Variants in IMMP2L observed in about 807,000 individuals in gnomAD.
IMMP2L encodes inner mitochondrial membrane peptidase subunit 2.
In IMMP2L, 18 loss-of-function variants were observed where a neutral mutation model predicts 19.3. That is an observed-to-expected ratio of 0.93 (90% CI 0.64 to 1.38). IMMP2L has a LOEUF of 1.38. IMMP2L is among the 40% of genes most tolerant of loss of function. The pLI is 0.00. For missense variants in IMMP2L, 233 were observed against 218.2 expected, an observed-to-expected ratio of 1.07 and a Z score of -0.43; for synonymous variants, 76 against 73.0, an observed-to-expected ratio of 1.04 and a Z score of -0.21.
chr7:110,810,402 G>A (rs1483822733), intron 5 of IMMP2L, among the ~76,000 whole-genome samples: 1 of 152,018 alleles, frequency 6.6e-6, no homozygotes, highest in African/African-American at 2.4e-5. Context: ...GAGCTATTAT[G>A]TTACCCATTC....
At chr7:110,994,130 TCTC>T (rs1247807923) in intron 3 of IMMP2L, among the ~76,000 whole-genome samples, 1 of 141,892 alleles carries the variant, frequency 7.0e-6, no homozygotes, top group African/African-American at 2.9e-5. Flanking sequence ...CATTACTCTC[TCTC>T]TTTTTTTTTT....
chr7:111,043,353 C>CA (rs1792079293), intron 3 of IMMP2L, among the ~76,000 whole-genome samples: 1 of 152,206 alleles, frequency 6.6e-6, no homozygotes, highest in Non-Finnish European at 1.5e-5. Flanking sequence ...CCTGAAATTT[C>CA]ATGGTTACTT....
At chr7:111,413,586 G>C (rs995083144) in intron 3 of IMMP2L, among the ~76,000 whole-genome samples, 5 of 151,178 alleles carry the variant, frequency 3.3e-5, no homozygotes, top group African/African-American at 9.7e-5. Flanking sequence ...CATATTAACA[G>C]ATTAAAAAAC....
chr7:111,175,107 G>A (rs139751528), intron 3 of IMMP2L, among the ~76,000 whole-genome samples: 9 of 151,896 alleles, frequency 5.9e-5, no homozygotes, highest in East Asian at 1.9e-4. Context: ...CAGAGTCCTC[G>A]TTGCATTATG....
chr7:111,502,778 C>A (rs1844430567), intron 2 of IMMP2L, among the ~76,000 whole-genome samples: 1 of 150,944 alleles, frequency 6.6e-6, no homozygotes. Context: ...CCAACGAGAA[C>A]AAAGACACAA....
chr7:111,531,892 C>A (rs928529716), intron 1 of IMMP2L, among the ~76,000 whole-genome samples: 1 of 151,852 alleles, frequency 6.6e-6, no homozygotes, highest in Non-Finnish European at 1.5e-5. Flanking sequence ...TTACCAGCAT[C>A]AGGAATACTT....
intron 3 of IMMP2L, among the ~76,000 whole-genome samples, chr7:111,479,691 G>C (rs191501154): frequency 6.6e-6 from 1 of 151,846 alleles, no homozygotes; most frequent in Non-Finnish European, 1.5e-5. Flanking sequence ...TGCAAATGCC[G>C]TCTTGTACTT....
At chr7:111,538,112 C>T (rs1848058585) in intron 1 of IMMP2L, among the ~76,000 whole-genome samples, 1 of 152,130 alleles carries the variant, frequency 6.6e-6, no homozygotes, top group Non-Finnish European at 1.5e-5. Flanking sequence ...GCATTTATCA[C>T]ACCTGATTTT....
chr7:110,980,260 C>T (rs1389947491), intron 3 of IMMP2L, among the ~76,000 whole-genome samples: 2 of 116,550 alleles, frequency 1.7e-5, no homozygotes, highest in East Asian at 4.6e-4. Context: ...AGGAGTCTCG[C>T]TCTGTCGCCC....
chr7:110,969,924 T>C (rs1481067153), intron 3 of IMMP2L, among the ~76,000 whole-genome samples: 1 of 152,122 alleles, frequency 6.6e-6, no homozygotes, highest in African/African-American at 2.4e-5. Flanking sequence ...TACAATTCCT[T>C]ACACAGGAAA....
chr7:111,121,391 T>C (rs1217926466), intron 3 of IMMP2L, among the ~76,000 whole-genome samples: 2 of 152,202 alleles, frequency 1.3e-5, no homozygotes, highest in Non-Finnish European at 1.5e-5. Context: ...TTGGCTTTTG[T>C]TGCCATTGCT....
At chr7:110,857,142 A>G (rs936877136) in intron 5 of IMMP2L, among the ~76,000 whole-genome samples, 2 of 152,080 alleles carry the variant, frequency 1.3e-5, no homozygotes, top group African/African-American at 4.8e-5. Flanking sequence ...AGGATTTTCA[A>G]ACACAAAACT....
Position 111,139,942 on chromosome 7 carries a change from A to G in IMMP2L, c.240-176377T>C, listed in dbSNP as rs374998339. 4.6e-5 allele frequency among the ~76,000 whole-genome samples: 7 copies of G among 152,232 alleles called. No homozygotes were observed. In the South Asian group the frequency reaches 1.2e-3, roughly 27 times the overall value. On this transcript the variant is annotated intron_variant, in intron 3 of 5. Transcript: ENST00000405709. Reference sequence around the variant, plus strand: ...CTGAAACTCTAATTTTTAATTCTACAGTTACCTCCTAGCCTTCCATGGTCT... The same window carrying G: ...CTGAAACTCTAATTTTTAATTCTACGGTTACCTCCTAGCCTTCCATGGTCT...
At chr7:110,892,768 G>A (rs1810936722) in intron 4 of IMMP2L, among the ~76,000 whole-genome samples, 1 of 152,050 alleles carries the variant, frequency 6.6e-6, no homozygotes. Flanking sequence ...TTCCCTTATT[G>A]GGGTATAATT....
At chr7:110,771,832 C>A (rs1799063209) in intron 5 of IMMP2L, among the ~76,000 whole-genome samples, 1 of 152,078 alleles carries the variant, frequency 6.6e-6, no homozygotes, top group Non-Finnish European at 1.5e-5. Context: ...ATCTTATAAC[C>A]TCCACTTTAC....
At chr7:110,691,745 A>C (rs1431401038) in intron 5 of IMMP2L, among the ~76,000 whole-genome samples, 1 of 152,184 alleles carries the variant, frequency 6.6e-6, no homozygotes, top group Non-Finnish European at 1.5e-5. Flanking sequence ...GAAAATTAAA[A>C]CCACAATGAG....
intron 5 of IMMP2L, among the ~76,000 whole-genome samples, chr7:110,682,827 A>G (rs1792823466): frequency 6.6e-6 from 1 of 152,122 alleles, no homozygotes; most frequent in African/African-American, 2.4e-5. Flanking sequence ...GTGCTCACAG[A>G]GGGAAAGAGA....
At chr7:111,394,781 A>C (rs762410585) in intron 3 of IMMP2L, 113 of 186,536 alleles carry the variant, frequency 6.1e-4, no homozygotes, top group Non-Finnish European at 8.2e-4. Context: ...TTAAAAGATA[A>C]CTCTAATCGA....
chr7:111,420,801 T>G (rs1044694563), intron 3 of IMMP2L, among the ~76,000 whole-genome samples: 2 of 151,842 alleles, frequency 1.3e-5, no homozygotes, highest in African/African-American at 4.9e-5. Flanking sequence ...TAATCCAGTC[T>G]ATCAATGATG....
Sources: gnomAD v4.1 joint callset for allele counts (sites outside exome capture counted in the v4.1 genomes callset) on GRCh38, gnomAD v4.1.1 for gene constraint, MANE v1.5 for transcripts, NCBI Gene and HGNC (gene_info 2026-07-23, HGNC 2026-07-21) for gene names.